ERBB4: variants seen among roughly 807,000 people sequenced by gnomAD.
ERBB4 encodes the protein receptor tyrosine-protein kinase erbB-4.
ERBB4 carries 42 observed loss-of-function variants against 158.0 expected under a neutral mutation model. The ratio of observed to expected loss-of-function variants is 0.27; its 90% CI spans 0.21 to 0.34. ERBB4 has a LOEUF of 0.34. ERBB4 is among the 10% of genes least tolerant of loss of function. ERBB4 has a pLI of 1.00. For missense variants in ERBB4, 1,333 were observed against 1,624.1 expected, an observed-to-expected ratio of 0.82 and a Z score of 3.08; for synonymous variants, 583 against 558.7, an observed-to-expected ratio of 1.04 and a Z score of -0.61.
chr2:211,458,255 A>G (rs755816410), intron 20 of ERBB4, among the ~76,000 whole-genome samples: 8 of 151,900 alleles, frequency 5.3e-5, no homozygotes, highest in East Asian at 3.9e-4. Flanking sequence ...CCAATGAGAG[A>G]CAAGACAATG....
At chr2:212,352,260 T>C (rs1221074099) in intron 1 of ERBB4, among the ~76,000 whole-genome samples, 1 of 150,752 alleles carries the variant, frequency 6.6e-6, no homozygotes, top group Non-Finnish European at 1.5e-5. Flanking sequence ...TACATCAACA[T>C]CCCAGGATGT....
chr2:212,202,039 A>G (rs2082601325), intron 1 of ERBB4, among the ~76,000 whole-genome samples: 1 of 152,326 alleles, frequency 6.6e-6, no homozygotes, highest in East Asian at 1.9e-4. Flanking sequence ...TAATAGCAAC[A>G]TTCATGAAAT....
intron 1 of ERBB4, among the ~76,000 whole-genome samples, chr2:212,262,778 G>A (rs1403221010): frequency 1.3e-5 from 2 of 151,994 alleles, no homozygotes; most frequent in Non-Finnish European, 2.9e-5. Flanking sequence ...TTTTCTCTCT[G>A]TAAGCTTATG....
intron 20 of ERBB4, among the ~76,000 whole-genome samples, chr2:211,468,536 T>C (rs576555415): frequency 3.9e-5 from 6 of 152,062 alleles, no homozygotes; most frequent in Non-Finnish European, 5.9e-5. Context: ...TACAGAGGGG[T>C]CTATTTGCCT....
intron 14 of ERBB4, among the ~76,000 whole-genome samples, chr2:211,671,701 CAGAA>C (rs1358783153): frequency 6.6e-6 from 1 of 152,100 alleles, no homozygotes; most frequent in Non-Finnish European, 1.5e-5. Context: ...TTCAGTCTCT[CAGAA>C]AGAGATTTTT....
chr2:211,496,806 G>A (rs2065480283), intron 20 of ERBB4, among the ~76,000 whole-genome samples: 1 of 152,040 alleles, frequency 6.6e-6, no homozygotes, highest in Non-Finnish European at 1.5e-5. Flanking sequence ...TCTTTTGCCT[G>A]GGTTATCCTC....
chr2:212,028,484 G>T (rs1037793983), intron 2 of ERBB4, among the ~76,000 whole-genome samples: 3 of 151,984 alleles, frequency 2.0e-5, no homozygotes, highest in Non-Finnish European at 4.4e-5. Context: ...CATAAATGAC[G>T]CAATGGAAAT....
intron 2 of ERBB4, among the ~76,000 whole-genome samples, chr2:211,995,032 G>C (rs2082167484): frequency 1.3e-5 from 2 of 152,132 alleles, no homozygotes; most frequent in Non-Finnish European, 1.5e-5. Flanking sequence ...TTCCAACAGA[G>C]AGCAGCATGC....
At position 211,752,317 on chromosome 2, in the gene ERBB4, A is replaced by T. The variant is rs560099093; in HGVS notation, c.557-1613T>A. Among the ~76,000 whole-genome samples the T allele has an allele frequency of 6.6e-5, 10 of 152,182 alleles. No individual in the cohort carries two copies. In the East Asian group the frequency reaches 1.7e-3, roughly 26 times the overall value. Reference sequence around the variant, plus strand: ...TTTTATGAGAAAGTAGCTAATGTTAATGTGTTTTCTTAGATTTGGTATAAT... The same window carrying T: ...TTTTATGAGAAAGTAGCTAATGTTATTGTGTTTTCTTAGATTTGGTATAAT... On this transcript the variant is annotated intron_variant, in intron 4 of 27. Coordinates refer to ENST00000342788, the MANE Select transcript of ERBB4 (RefSeq NM_005235.3).
At chr2:212,274,606 T>G (rs1486770123) in intron 1 of ERBB4, among the ~76,000 whole-genome samples, 1 of 151,826 alleles carries the variant, frequency 6.6e-6, no homozygotes, top group Non-Finnish European at 1.5e-5. Flanking sequence ...TAGTTTATAT[T>G]TCTCTCAACT....
intron 2 of ERBB4, among the ~76,000 whole-genome samples, chr2:212,036,911 C>G (rs1401370131): frequency 2.0e-5 from 3 of 152,052 alleles, no homozygotes; most frequent in Non-Finnish European, 4.4e-5. Flanking sequence ...GTCTAAAGTT[C>G]CCCGAATTGA....
intron 3 of ERBB4, among the ~76,000 whole-genome samples, chr2:211,889,614 C>T (rs536479332): frequency 0.025 from 3,715 of 146,172 alleles, 70 homozygotes; most frequent in African/African-American, 0.047. Flanking sequence ...CTCCGAGCTA[C>T]GGGAGGACAT....
At chr2:212,172,156 GA>G (rs1404078230) in intron 1 of ERBB4, among the ~76,000 whole-genome samples, 2 of 151,888 alleles carry the variant, frequency 1.3e-5, no homozygotes, top group Non-Finnish European at 2.9e-5. Context: ...CAACAAACAT[GA>G]AAAAAAGCTC....
At chr2:211,682,892 A>T (rs2072410986) in intron 12 of ERBB4, among the ~76,000 whole-genome samples, 1 of 151,894 alleles carries the variant, frequency 6.6e-6, no homozygotes, top group African/African-American at 2.4e-5. Flanking sequence ...TGAAATAATT[A>T]AGTTGAAATA....
chr2:212,015,028 T>TCA, intron 2 of ERBB4, among the ~76,000 whole-genome samples: 1 of 4,526 alleles, frequency 2.2e-4, no homozygotes, highest in African/African-American at 2.5e-4. Context: ...CCGTCTCTAC[T>TCA]AAAAAAAAAA....
intron 1 of ERBB4, among the ~76,000 whole-genome samples, chr2:212,300,910 C>G (rs1254428791): frequency 6.6e-6 from 1 of 151,480 alleles, no homozygotes; most frequent in Non-Finnish European, 1.5e-5. Flanking sequence ...GTGCTTCACT[C>G]AGGTCTCTAT....
At chr2:212,414,982 G>A (rs1375162288) in intron 1 of ERBB4, among the ~76,000 whole-genome samples, 2 of 152,170 alleles carry the variant, frequency 1.3e-5, no homozygotes, top group Non-Finnish European at 2.9e-5. Context: ...CTGCCAACCT[G>A]ATGCTAATTC....
chr2:212,392,788 C>T (rs1057176906), intron 1 of ERBB4, among the ~76,000 whole-genome samples: 11 of 151,914 alleles, frequency 7.2e-5, no homozygotes, highest in African/African-American at 2.7e-4. Context: ...TATTACATTA[C>T]TGGTCAACAA....
intron 2 of ERBB4, among the ~76,000 whole-genome samples, chr2:212,116,011 A>C (rs1352599014): frequency 1.3e-5 from 2 of 152,138 alleles, no homozygotes; most frequent in African/African-American, 4.8e-5. Context: ...GGGCTAAAAA[A>C]ACTTTTTGCA....
Sources: allele counts gnomAD v4.1 joint callset (sites outside exome capture counted in the v4.1 genomes callset), GRCh38; gene constraint gnomAD v4.1.1; transcripts MANE v1.5; gene names NCBI Gene and HGNC (gene_info 2026-07-23, HGNC 2026-07-21).